The following HERC1 variants were observed in gnomAD, a reference collection of about 807,000 sequenced individuals.
HERC1 encodes probable E3 ubiquitin-protein ligase HERC1.
A neutral mutation model predicts 554.3 loss-of-function variants in HERC1; 160 were observed. The observed-to-expected ratio is 0.29, with a 90% CI of 0.25 to 0.33. The LOEUF is 0.33. Among genes scored for constraint, HERC1 ranks in the 10% least tolerant of loss-of-function variants. The pLI, the probability that HERC1 is intolerant of heterozygous loss-of-function variation, is 1.00. For missense variants in HERC1, 4,919 were observed against 5,918.5 expected, an observed-to-expected ratio of 0.83 and a Z score of 5.54; for synonymous variants, 2,175 against 2,131.7, an observed-to-expected ratio of 1.02 and a Z score of -0.56.
At chr15:63,695,044 A>G in intron 27 of HERC1, 150 bp from the exon 28 acceptor site, 1 of 616,968 alleles carries the variant, frequency 1.6e-6, no homozygotes, top group East Asian at 4.9e-5. Context: ...GTATATAATA[A>G]TTTTTTTTTG....
At chr15:63,676,741 G>A (rs550391187) in intron 37 of HERC1, among the ~76,000 whole-genome samples, 143 of 152,276 alleles carry the variant, frequency 9.4e-4, no homozygotes, top group African/African-American at 3.1e-3. Context: ...GGGCGACAGA[G>A]CGAGATTCCG....
intron 1 of HERC1, among the ~76,000 whole-genome samples, chr15:63,793,315 A>C (rs140853434): frequency 0.03 from 4,525 of 152,340 alleles, 90 homozygotes; most frequent in African/African-American, 0.061. Flanking sequence ...AAGCTGGCCC[A>C]AACCCACCAA....
chr15:63,810,568 T>G (rs1330897820), intron 1 of HERC1, among the ~76,000 whole-genome samples: 1 of 152,148 alleles, frequency 6.6e-6, no homozygotes, highest in Non-Finnish European at 1.5e-5. Context: ...GGGAGATATA[T>G]CTTTTGCTAT....
At position 63,666,330 on chromosome 15, in the gene HERC1, C is replaced by T. The variant is rs758214000; in HGVS notation, c.8323+26G>A. On this transcript the variant is annotated intron_variant, in intron 41 of 77. Coordinates refer to ENST00000443617, the MANE Select transcript of HERC1 (RefSeq NM_003922.4). ...AGCTAGGACTTCTCATATCTGTATA[C>T]ACTGATATATAAAAACTTATCCTAC... 2.7e-6 allele frequency: 4 copies of T among 1,490,416 alleles called. No homozygotes were observed. In the South Asian group the frequency reaches 4.5e-5, roughly 17 times the overall value. The allele number at this position is 1,490,416 out of a possible 1,614,324, so 92.3% of individuals were successfully genotyped here.
At chr15:63,747,626 A>T (rs979484238) in intron 11 of HERC1, 98 bp downstream of exon 11, 2 of 663,290 alleles carry the variant, frequency 3.0e-6, no homozygotes, top group Non-Finnish European at 4.7e-6. Flanking sequence ...CAAACAAGAA[A>T]GAACAGTAAG....
chr15:63,776,463 G>A (rs956343373), intron 1 of HERC1, among the ~76,000 whole-genome samples: 4 of 152,126 alleles, frequency 2.6e-5, no homozygotes, highest in African/African-American at 9.7e-5. Context: ...CTCATAAAAC[G>A]AAACATATAT....
At chr15:63,650,551 G>C (rs1214939968) in intron 53 of HERC1, among the ~76,000 whole-genome samples, 1 of 151,862 alleles carries the variant, frequency 6.6e-6, no homozygotes, top group Non-Finnish European at 1.5e-5. Flanking sequence ...CTGAGTCCCT[G>C]AGGTTCCAGG....
In HERC1 at chr15:63,712,910, C is replaced by A. The variant is rs116375944; in HGVS notation, c.4464-15G>T. The A allele has an allele frequency of 7.5e-4, 1,065 of 1,422,944 alleles. 1 individual carries two copies. In the African/African-American group the frequency reaches 7.8e-3, roughly 10 times the overall value. 88.1% of individuals were successfully genotyped at this position (1,422,944 alleles called of 1,614,324 possible). A position where few individuals can be genotyped will look rare whatever the true frequency, so the allele number is the denominator to read the frequency against. On this transcript the variant is annotated splice_polypyrimidine_tract_variant and intron_variant, in intron 23 of 77. Coordinates refer to ENST00000443617, the MANE Select transcript of HERC1 (RefSeq NM_003922.4). ...GACTTTCACTCCTGTCTCACATGTA[C>A]AAAAAAAAAAGTTTTTTGATTTAGG...
chr15:63,733,410 T>C (rs1207771435), intron 13 of HERC1, among the ~76,000 whole-genome samples: 1 of 152,234 alleles, frequency 6.6e-6, no homozygotes, highest in Admixed American at 6.5e-5. Context: ...ATAATGATTT[T>C]AGTACTGTAA....
chr15:63,747,913 A>G (rs2075113216), intron 10 of HERC1, 55 bp from the exon 11 acceptor site: 1 of 1,480,110 alleles, frequency 6.8e-7, no homozygotes, highest in African/African-American at 1.4e-5. Context: ...ATTTTTATGC[A>G]CGATCAAAAA....
At chr15:63,634,688 G>C in intron 66 of HERC1, 45 bp downstream of exon 66, 1 of 1,543,188 alleles carries the variant, frequency 6.5e-7, no homozygotes, top group Non-Finnish European at 8.9e-7. Context: ...CAGAAGAAAT[G>C]AGAAACAATG....
intron 1 of HERC1, among the ~76,000 whole-genome samples, chr15:63,803,890 A>T (rs552652110): frequency 6.6e-6 from 1 of 152,372 alleles, no homozygotes; most frequent in East Asian, 1.9e-4. Context: ...ACTAGTAACT[A>T]GTAATCAAGA....
intron 39 of HERC1, among the ~76,000 whole-genome samples, chr15:63,672,145 A>G (rs2070962065): frequency 6.6e-6 from 1 of 152,178 alleles, no homozygotes; most frequent in Non-Finnish European, 1.5e-5. Flanking sequence ...ATTTTCATGG[A>G]GGTGAATATT....
rs1288087511 is a variant in HERC1 at position 63,675,088 on chromosome 15, G to T, written c.7100C>A (p.Thr2367Asn). 1 of 1,595,188 alleles carries T rather than the reference G, an allele frequency of 6.3e-7. No homozygotes were observed. ...SFPTFWSPSD[T>N]PLYNLEPCEP... ...ACAGGGTTCCAGATTATACAATGGA[G>T]TATCACTAGGCGACCAAAAAGTTGG... The change falls in exon 38 of 78, where the codon ACT becomes AAT. Residue 2367 changes from threonine (T) to asparagine (N), a missense_variant. This residue lies in a region of HERC1 where 1,963 missense variants were observed against 2,228.6 expected (regional missense o/e 0.88). Coordinates refer to ENST00000443617, the MANE Select transcript of HERC1 (RefSeq NM_003922.4).
chr15:63,767,631 G>A (rs932104372), intron 2 of HERC1, among the ~76,000 whole-genome samples: 3 of 152,122 alleles, frequency 2.0e-5, no homozygotes, highest in African/African-American at 7.2e-5. Context: ...CCAGGAGGCG[G>A]AGGCTGCAGT....
chr15:63,717,375 A>T (rs566899028), intron 21 of HERC1, among the ~76,000 whole-genome samples: 38 of 152,322 alleles, frequency 2.5e-4, no homozygotes, highest in African/African-American at 8.7e-4. Context: ...TGGTTTTTTA[A>T]ATCTAAGGAC....
Position 63,698,739 on chromosome 15 carries a change from A to T in HERC1, c.4894T>A (p.Leu1632Ile). 1 of 1,613,466 alleles carries T rather than the reference A, an allele frequency of 6.2e-7. No homozygotes were observed. The highest frequency in any genetic ancestry group is 8.5e-7 in the Non-Finnish European group (1 of 1,179,602). The change falls in exon 26 of 78, where the codon TTA (leucine) becomes ATA (isoleucine). Residue 1632 changes from leucine (L) to isoleucine (I), a missense_variant. By Grantham distance (5) the Leu-to-Ile change is conservative (BLOSUM62 2). This residue lies in a region of HERC1 where 1,121 missense variants were observed against 1,244.0 expected (regional missense o/e 0.90). Coordinates refer to ENST00000443617, the MANE Select transcript of HERC1 (RefSeq NM_003922.4). ...TATCAAAGACTTACTTCTGCCCTTA[A>T]CTGCTGCTGTTCCATTGCAATGATG... ...ASIIAMEQQQ[L>I]RAELRLEALH... is the part of the protein sequence containing the mutation.
At chr15:63,808,235 T>C (rs2077192170) in intron 1 of HERC1, among the ~76,000 whole-genome samples, 1 of 152,232 alleles carries the variant, frequency 6.6e-6, no homozygotes. Context: ...GTAATGATTC[T>C]GAATAACGGC....
intron 69 of HERC1, among the ~76,000 whole-genome samples, chr15:63,629,605 G>A (rs77010591): frequency 0.021 from 3,210 of 152,300 alleles, 52 homozygotes; most frequent in Middle Eastern, 0.058. Flanking sequence ...GAAGGATCAC[G>A]TCACGGCACT....
Sources: gnomAD v4.1 joint callset for allele counts (sites outside exome capture counted in the v4.1 genomes callset) on GRCh38, gnomAD v4.1.1 for gene constraint, gnomAD v4.1.1 regional missense constraint, MANE v1.5 for transcripts, NCBI Gene and HGNC (gene_info 2026-07-23, HGNC 2026-07-21) for gene names.